The following CEP250 variants were observed in gnomAD, a reference collection of about 807,000 sequenced individuals.
The protein encoded by CEP250 is centrosomal protein 250.
In CEP250, 242 loss-of-function variants were observed where a neutral mutation model predicts 315.7. The ratio of observed to expected loss-of-function variants is 0.77; its 90% CI spans 0.69 to 0.85. The LOEUF (loss-of-function observed/expected upper bound fraction) is 0.85, where lower values mean the gene tolerates loss of function less well. Among genes scored for constraint, CEP250 ranks in the 40% least tolerant of loss-of-function variants. CEP250 has a pLI of 0.00. For missense variants in CEP250, 2,515 were observed against 2,886.4 expected, an observed-to-expected ratio of 0.87 and a Z score of 2.95; for synonymous variants, 1,088 against 1,175.0, an observed-to-expected ratio of 0.93 and a Z score of 1.51.
Position 35,465,797 on chromosome 20 carries a change from C to T in CEP250, c.298C>T (p.Leu100=). The part of the protein sequence containing the change: ...NVEEPNLDEL[L]VRLEEEQQRC... ...GGAGGAGCCAAACCTGGATGAGCTG[C>T]TGGTCCGATTGGAGGAGGAGCAACA... The change falls in exon 6 of 35, where the codon CTG becomes TTG. Residue 100 remains leucine (L), a synonymous_variant. Transcript: ENST00000397527. 6.2e-7 allele frequency: 1 copy of T among 1,610,052 alleles called. No individual in the cohort carries two copies. Among genetic ancestry groups the T allele is most frequent in the Middle Eastern group, 1.7e-4 (1 of 5,836 alleles).
At chr20:35,505,955 G>A (rs748431731) in intron 30 of CEP250, among the ~76,000 whole-genome samples, 15 of 152,160 alleles carry the variant, frequency 9.9e-5, no homozygotes, top group South Asian at 2.1e-4. Context: ...TCAGGCTGCC[G>A]TGTGGAGCAA....
chr20:35,502,041 G>A, intron 29 of CEP250, 75 bp downstream of exon 29: 1 of 1,517,394 alleles, frequency 6.6e-7, no homozygotes, highest in Non-Finnish European at 8.8e-7. Context: ...CTGTGGTCCT[G>A]TGTCCCACTT....
At chr20:35,455,256 G>A (rs1217910563), upstream of CEP250, 1 of 152,344 alleles carries the variant, frequency 6.6e-6, no homozygotes, top group Admixed American at 6.5e-5. Context: ...GGGCCTCAGG[G>A]GCAGGTGGGA....
At position 35,479,787 on chromosome 20, in the gene CEP250, T is replaced by A; in HGVS notation, c.2416+14T>A. The A allele has an allele frequency of 6.2e-7, 1 of 1,614,004 alleles. No individual in the cohort carries two copies. The highest frequency in any genetic ancestry group is 2.2e-5 in the East Asian group (1 of 44,878). On this transcript the variant is annotated intron_variant, in intron 19 of 34. Coordinates refer to ENST00000397527, the MANE Select transcript of CEP250 (RefSeq NM_007186.6). ...AAGTAATCCAAGGTGAGAACCCAAC[T>A]GGGATGGGATGCACTCCATTCCATG...
Position 35,490,747 on chromosome 20 carries a change from G to C in CEP250, c.2697G>C (p.Glu899Asp). The change falls in exon 21 of 35, where the codon GAG (glutamate) becomes GAC (aspartate). Residue 899 changes from glutamate (E) to aspartate (D), a missense_variant. Coordinates refer to ENST00000397527, the MANE Select transcript of CEP250 (RefSeq NM_007186.6). Reference protein sequence around the residue: ...MRLKEQQTEMEAIQAQREEER... With the variant: ...MRLKEQQTEMDAIQAQREEER... ...TAAAGGAGCAGCAGACAGAAATGGA[G>C]GCCATCCAGGCCCAGAGGGAAGAAG... 1 of 1,613,858 alleles carries C rather than the reference G, an allele frequency of 6.2e-7. No homozygotes were observed. The highest frequency in any genetic ancestry group is 8.5e-7 in the Non-Finnish European group (1 of 1,179,970).
chr20:35,467,179 G>GGGGGCCCCCCCCC, intron 8 of CEP250, 107 bp downstream of exon 8: 1 of 534,896 alleles, frequency 1.9e-6, no homozygotes, highest in Non-Finnish European at 3.5e-6. Flanking sequence ...GGTGGGTGGG[G>GGGGGCCCCCCCCC]GAGTTGGTAG....
rs17092712 is a variant in CEP250 at position 35,503,847 on chromosome 20, G to A, written c.5478G>A (p.Gln1826=). Residue 1826 remains glutamine, a synonymous_variant, in exon 30 of 35, where the codon CAG becomes CAA. Transcript: ENST00000397527. This position sits in a 1 kb window ranked among gnomAD's most constrained non-coding sequence, Gnocchi z 4.2. The part of the protein sequence containing the change: ...DQELEALQQE[Q]QQAQGQEERV... ...AACTGGAGGCTCTGCAGCAAGAACA[G>A]CAGCAGGCCCAGGGACAGGAGGAGA... 6,885 of 1,613,954 alleles carry A rather than the reference G, an allele frequency of 4.3e-3. 266 individuals carry two copies. The African/African-American group carries it at 0.078, about 18-fold the overall frequency.
At chr20:35,459,568 T>C (rs2062709192) in intron 2 of CEP250, among the ~76,000 whole-genome samples, 1 of 151,236 alleles carries the variant, frequency 6.6e-6, no homozygotes, top group Admixed American at 6.6e-5. Flanking sequence ...GGTGGCTGTC[T>C]GAAACCAGGA....
chr20:35,467,939 A>G (rs978403734), intron 9 of CEP250, among the ~76,000 whole-genome samples: 3 of 111,094 alleles, frequency 2.7e-5, no homozygotes, highest in Admixed American at 1.8e-4. Flanking sequence ...TTCAAATATT[A>G]CCTCTTTTTT....
At position 35,511,474 on chromosome 20, in the gene CEP250, C is replaced by T; in HGVS notation, c.7177C>T (p.His2393Tyr). The T allele has an allele frequency of 1.2e-6, 2 of 1,614,180 alleles. No homozygotes were observed. Among genetic ancestry groups the T allele is most frequent in the South Asian group, 1.1e-5 (1 of 91,086 alleles). Residue 2393 changes from histidine (H) to tyrosine (Y), a missense_variant, in exon 35 of 35, where the codon CAC (histidine) becomes TAC (tyrosine). By Grantham distance (83) the His-to-Tyr change is moderately conservative. Coordinates refer to ENST00000397527, the MANE Select transcript of CEP250 (RefSeq NM_007186.6). Reference protein sequence around the residue: ...ELAGLHHSLSHSLLAVAQAPE... With the variant: ...ELAGLHHSLSYSLLAVAQAPE... ...AGCAGGCCTGCACCACAGCCTCTCA[C>T]ACTCACTTCTTGCCGTGGCCCAGGC...
At chr20:35,493,634 T>G in intron 23 of CEP250, 62 bp downstream of exon 23, 5 of 1,417,950 alleles carry the variant, frequency 3.5e-6, no homozygotes, top group African/African-American at 1.5e-5. Flanking sequence ...GCTTTCCCAC[T>G]TCCTCTTGCA....
chr20:35,507,963 C>A, intron 31 of CEP250, 72 bp from the exon 32 acceptor site: 1 of 1,603,688 alleles, frequency 6.2e-7, no homozygotes, highest in South Asian at 1.1e-5. Flanking sequence ...CCAGATTGGT[C>A]TGTGTGTCCT....
rs1601297716 is a variant in CEP250 at position 35,503,291 on chromosome 20, A to T, written c.4922A>T (p.Glu1641Val). ...AAGTCTCAGCGAGAACAGATCGAGG[A>T]GCTGCAGAGGCAGAAAGAGCATCTG... The part of the protein sequence containing the change: ...EVKSQREQIE[E>V]LQRQKEHLTQ... The change falls in exon 30 of 35, where the codon GAG becomes GTG. Residue 1641 changes from glutamate (E) to valine (V), a missense_variant. By Grantham distance (121) the Glu-to-Val change is moderately radical. Transcript: ENST00000397527. The surrounding 1 kb of genome is among the most constrained non-coding windows in gnomAD (Gnocchi z 4.2). The T allele has an allele frequency of 6.2e-7, 1 of 1,614,202 alleles. No individual in the cohort carries two copies. Among genetic ancestry groups the T allele is most frequent in the Non-Finnish European group, 8.5e-7 (1 of 1,180,028 alleles).
In CEP250 at chr20:35,511,824, C is replaced by T. The variant is rs1242986649; in HGVS notation, c.*198C>T. ...ACTCACCTGGGAATGAGGCAAATTG[C>T]ATTTGCTTGCTCCCTATGGAATCAC... On this transcript the variant is annotated 3_prime_UTR_variant, in exon 35 of 35. Coordinates refer to ENST00000397527, the MANE Select transcript of CEP250 (RefSeq NM_007186.6). 5 of 1,406,968 alleles carry T rather than the reference C, an allele frequency of 3.6e-6. No homozygotes were observed. The East Asian group carries it at 1.0e-4, about 29-fold the overall frequency. The allele number at this position is 1,406,968 out of a possible 1,614,324, so 87.2% of individuals were successfully genotyped here. A position where few individuals can be genotyped will look rare whatever the true frequency, so the allele number is the denominator to read the frequency against.
intron 27 of CEP250, among the ~76,000 whole-genome samples, chr20:35,499,753 G>T (rs1274257672): frequency 6.6e-6 from 1 of 152,218 alleles, no homozygotes; most frequent in Non-Finnish European, 1.5e-5. Context: ...TTTGAAGTAG[G>T]AGTGTTGAGA....
chr20:35,503,318 C>T lies in CEP250; in HGVS notation c.4949C>T (p.Thr1650Ile). ...EELQRQKEHL[T>I]QDLERRDQEL... ...CTGCAGAGGCAGAAAGAGCATCTGACTCAGGATCTCGAGAGGAGAGACCAG... is the reference window on the plus strand; with the variant it reads ...CTGCAGAGGCAGAAAGAGCATCTGATTCAGGATCTCGAGAGGAGAGACCAG... Residue 1650 changes from threonine (T) to isoleucine (I), a missense_variant, in exon 30 of 35, where the codon ACT becomes ATT. Physicochemically the swap from Thr to Ile is moderately conservative, Grantham distance 89. Transcript: ENST00000397527. The surrounding 1 kb of genome is among the most constrained non-coding windows in gnomAD (Gnocchi z 4.2). The T allele has an allele frequency of 6.2e-7, 1 of 1,614,136 alleles. No homozygotes were observed. Among genetic ancestry groups the T allele is most frequent in the Non-Finnish European group, 8.5e-7 (1 of 1,180,026 alleles).
At chr20:35,481,886 G>A (rs867382176) in intron 20 of CEP250, among the ~76,000 whole-genome samples, 3 of 152,156 alleles carry the variant, frequency 2.0e-5, no homozygotes, top group Middle Eastern at 3.4e-3. Context: ...TTTTGGTAGA[G>A]ACAGGGTTTC....
At chr20:35,471,752 G>T (rs986365340) in intron 10 of CEP250, among the ~76,000 whole-genome samples, 1 of 152,202 alleles carries the variant, frequency 6.6e-6, no homozygotes, top group African/African-American at 2.4e-5. Flanking sequence ...ACAACTAGTT[G>T]CTGTAATTAT....
intron 22 of CEP250, among the ~76,000 whole-genome samples, chr20:35,492,311 T>G (rs1372430734): frequency 6.6e-6 from 1 of 151,434 alleles, no homozygotes; most frequent in Non-Finnish European, 1.5e-5. Context: ...AGATTTATGG[T>G]GGGGAATGGG....
Sources: allele counts gnomAD v4.1 joint callset (sites outside exome capture counted in the v4.1 genomes callset), GRCh38; gene constraint gnomAD v4.1.1; non-coding constraint Gnocchi (gnomAD v3.1); transcripts MANE v1.5; gene names NCBI Gene and HGNC (gene_info 2026-07-23, HGNC 2026-07-21).